ASIC2: variants seen among roughly 807,000 people sequenced by gnomAD.
ASIC2 encodes the protein acid-sensing ion channel 2.
ASIC2 carries 25 observed loss-of-function variants against 57.3 expected under a neutral mutation model. That is an observed-to-expected ratio of 0.44 (90% CI 0.32 to 0.61). The LOEUF is 0.61. Ranked by LOEUF, ASIC2 falls within the 20% of genes least tolerant of loss-of-function variation. The pLI is 0.06. For synonymous variants in ASIC2, 319 were observed against 307.5 expected (o/e 1.04, Z -0.39); for missense variants, 641 against 738.1 (o/e 0.87, Z 1.52).
chr17:33,306,570 T>C (rs1906182461), intron 1 of ASIC2, among the ~76,000 whole-genome samples: 1 of 152,184 alleles, frequency 6.6e-6, no homozygotes, highest in South Asian at 2.1e-4. Flanking sequence ...ATTCCATCCA[T>C]CACCAAGGGC....
intron 2 of ASIC2, among the ~76,000 whole-genome samples, chr17:33,098,216 GA>G (rs200100981): frequency 9.2e-5 from 14 of 151,856 alleles, no homozygotes; most frequent in Middle Eastern, 3.2e-3. Flanking sequence ...CAAAATAGAT[GA>G]AAAAAAATAG....
chr17:33,252,512 C>T (rs540591591), intron 1 of ASIC2, among the ~76,000 whole-genome samples: 6 of 152,042 alleles, frequency 3.9e-5, no homozygotes, highest in African/African-American at 7.2e-5. Context: ...CTGCCATTCC[C>T]GGGGTTAATA....
intron 1 of ASIC2, among the ~76,000 whole-genome samples, chr17:33,594,220 C>T (rs545379313): frequency 6.6e-6 from 1 of 152,368 alleles, no homozygotes; most frequent in East Asian, 1.9e-4. Flanking sequence ...GGCCATCTAT[C>T]AGATGGCTGA....
intron 1 of ASIC2, chr17:33,541,152 T>G (rs1915397241): frequency 6.6e-6 from 1 of 152,196 alleles, no homozygotes; most frequent in South Asian, 2.1e-4. Context: ...ATCTTAAGGT[T>G]GACAAGTTTA....
At chr17:33,569,845 C>T (rs1427427609) in intron 1 of ASIC2, among the ~76,000 whole-genome samples, 3 of 152,198 alleles carry the variant, frequency 2.0e-5, no homozygotes, top group East Asian at 1.9e-4. Flanking sequence ...TGTCATGTGT[C>T]GCATGTTAGA....
intron 1 of ASIC2, among the ~76,000 whole-genome samples, chr17:34,103,209 T>C (rs1168032630): frequency 6.6e-6 from 1 of 152,214 alleles, no homozygotes; most frequent in Non-Finnish European, 1.5e-5. Context: ...GCCGTGGCAC[T>C]ATCATGCCTC....
chr17:33,737,773 A>G (rs2142095502), intron 1 of ASIC2, among the ~76,000 whole-genome samples: 1 of 152,182 alleles, frequency 6.6e-6, no homozygotes, highest in East Asian at 1.9e-4. Flanking sequence ...ATTCCACCCA[A>G]GTCAAGGAAG....
At chr17:33,861,740 C>G (rs112361594) in intron 1 of ASIC2, among the ~76,000 whole-genome samples, 3,759 of 152,304 alleles carry the variant, frequency 0.025, 79 homozygotes, top group Middle Eastern at 0.041. Flanking sequence ...CTTTCCACTA[C>G]TGCTTAAGTG....
intron 1 of ASIC2, among the ~76,000 whole-genome samples, chr17:33,918,983 C>A (rs889695446): frequency 6.6e-6 from 1 of 152,196 alleles, no homozygotes; most frequent in South Asian, 2.1e-4. Context: ...CAGTCTATCT[C>A]TCCTGCTTTG....
chr17:33,388,957 CTTGT>C (rs1038837196), intron 1 of ASIC2, among the ~76,000 whole-genome samples: 4 of 152,098 alleles, frequency 2.6e-5, no homozygotes, highest in South Asian at 2.1e-4. Flanking sequence ...TACTCCCACT[CTTGT>C]TTGTTTGTTT....
At chr17:33,503,861 G>A (rs1201531675) in intron 1 of ASIC2, among the ~76,000 whole-genome samples, 1 of 152,174 alleles carries the variant, frequency 6.6e-6, no homozygotes, top group Non-Finnish European at 1.5e-5. Context: ...CCAGGATTAG[G>A]ATGAGGAATG....
chr17:33,497,921 G>C (rs1443935449), intron 1 of ASIC2, among the ~76,000 whole-genome samples: 1 of 152,216 alleles, frequency 6.6e-6, no homozygotes, highest in East Asian at 1.9e-4. Context: ...AAGGAACGTG[G>C]TAAGTGATCC....
chr17:34,005,078 A>C (rs1470418103), intron 1 of ASIC2: 1 of 152,160 alleles, frequency 6.6e-6, no homozygotes, highest in Non-Finnish European at 1.5e-5. Context: ...AGGGGTGAGC[A>C]CAGCCCCCTT....
chr17:34,130,982 G>GA (rs1911936775), intron 1 of ASIC2, among the ~76,000 whole-genome samples: 1 of 152,182 alleles, frequency 6.6e-6, no homozygotes, highest in South Asian at 2.1e-4. Context: ...AGCCTTCGCG[G>GA]AAAAAGCTGC....
chr17:33,487,563 T>C (rs887696995), intron 1 of ASIC2, among the ~76,000 whole-genome samples: 2 of 152,222 alleles, frequency 1.3e-5, no homozygotes, highest in Non-Finnish European at 2.9e-5. Context: ...TGGTGGTTAA[T>C]ATTGAGTGTC....
chr17:33,409,946 C>T (rs1464915770), intron 1 of ASIC2, among the ~76,000 whole-genome samples: 2 of 152,170 alleles, frequency 1.3e-5, no homozygotes, highest in Non-Finnish European at 2.9e-5. Context: ...CAACATACAC[C>T]AGTACAAACC....
intron 1 of ASIC2, among the ~76,000 whole-genome samples, chr17:33,309,943 C>T (rs993340260): frequency 1.4e-5 from 2 of 145,278 alleles, no homozygotes; most frequent in African/African-American, 2.6e-5. Flanking sequence ...TGACTCCTCC[C>T]CTCCACCCCA....
intron 1 of ASIC2, among the ~76,000 whole-genome samples, chr17:34,014,337 G>A (rs781317860): frequency 7.9e-5 from 12 of 152,286 alleles, no homozygotes; most frequent in South Asian, 2.1e-4. Flanking sequence ...TGGTTTGGCC[G>A]GAGCCTGTGC....
chr17:34,156,290 A>G lies in ASIC2; in HGVS notation c.243T>C (p.Ala81=). ...TCACAGCTGGGAAGACCAGGCTTTG[A>G]GCCACCACTTCGTCCACCTTAGTGA... Residue 81 remains alanine (A), a synonymous_variant, in exon 1 of 10, where the codon GCT becomes GCC. Transcript: ENST00000359872. The surrounding 1 kb of genome is among the most constrained non-coding windows in gnomAD (Gnocchi z 4.4). 6.2e-7 allele frequency: 1 copy of G among 1,614,160 alleles called. No homozygotes were observed. Among genetic ancestry groups the G allele is most frequent in the Non-Finnish European group, 8.5e-7 (1 of 1,180,026 alleles).
Sources: allele counts gnomAD v4.1 joint callset (sites outside exome capture counted in the v4.1 genomes callset), GRCh38; gene constraint gnomAD v4.1.1; non-coding constraint Gnocchi (gnomAD v3.1); transcripts MANE v1.5; gene names NCBI Gene and HGNC (gene_info 2026-07-23, HGNC 2026-07-21).